The following DISP3 variants were observed in gnomAD, a reference collection of about 807,000 sequenced individuals.
DISP3 encodes the protein dispatched RND transporter family member 3.
DISP3 carries 101 observed loss-of-function variants against 135.3 expected under a neutral mutation model. The ratio of observed to expected loss-of-function variants is 0.75; its 90% confidence interval spans 0.64 to 0.88. The LOEUF (loss-of-function observed/expected upper bound fraction) is 0.88. Ranked by LOEUF, DISP3 falls within the 40% of genes least tolerant of loss-of-function variation. DISP3 has a pLI of 0.00. For missense variants in DISP3, 1,713 were observed against 1,878.6 expected, an observed-to-expected ratio of 0.91 and a Z score of 1.63; for synonymous variants, 856 against 817.0, an observed-to-expected ratio of 1.05 and a Z score of -0.81.
At chr1:11,522,858 GGACCC>G in intron 10 of DISP3, among the ~76,000 whole-genome samples, 1 of 51,812 alleles carries the variant, frequency 1.9e-5, no homozygotes, top group African/African-American at 1.0e-4. Flanking sequence ...AGCCCAGCCA[GGACCC>G]AGCCAGAGCC....
At chr1:11,492,358 T>C (rs1432046653) in intron 1 of DISP3, among the ~76,000 whole-genome samples, 2 of 152,164 alleles carry the variant, frequency 1.3e-5, no homozygotes, top group Non-Finnish European at 2.9e-5. Flanking sequence ...TCAGGTGATA[T>C]ATTGACCCAG....
chr1:11,534,555 C>T lies in DISP3; in HGVS notation c.3535+15C>T, dbSNP rs751298870. On this transcript the variant is annotated intron_variant, in intron 18 of 20. Transcript: ENST00000294484. ...GGAAATCGTAGGCAAGCGGCAGCCTCGCCCCTCCATCCTGGGTGGGCAGGA... is the reference window on the plus strand; with the variant it reads ...GGAAATCGTAGGCAAGCGGCAGCCTTGCCCCTCCATCCTGGGTGGGCAGGA... 3.5e-5 allele frequency: 56 copies of T among 1,592,466 alleles called. No individual in the cohort carries two copies. The highest frequency in any genetic ancestry group is 4.5e-5 in the Non-Finnish European group (53 of 1,168,408).
chr1:11,514,277 A>C (rs1358879378), intron 3 of DISP3, 113 bp from the exon 4 acceptor site: 2 of 1,271,814 alleles, frequency 1.6e-6, no homozygotes, highest in East Asian at 4.7e-5. Flanking sequence ...CAACCAAGGT[A>C]GAGTCACAGG....
intron 12 of DISP3, among the ~76,000 whole-genome samples, chr1:11,525,929 C>T (rs1474478632): frequency 6.6e-6 from 1 of 152,200 alleles, no homozygotes; most frequent in Admixed American, 6.5e-5. Flanking sequence ...CTCTCATCAG[C>T]CTCCTGAGTA....
In DISP3 at chr1:11,536,319, C is replaced by T. The variant is rs1313742315; in HGVS notation, c.3817-5C>T. The T allele has an allele frequency of 6.3e-7, 1 of 1,594,918 alleles. No homozygotes were observed. Among genetic ancestry groups the T allele is most frequent in the Non-Finnish European group, 8.5e-7 (1 of 1,176,708 alleles). On this transcript the variant is annotated splice_polypyrimidine_tract_variant and splice_region_variant and intron_variant, in intron 20 of 20. Transcript: ENST00000294484. This position sits in a 1 kb window ranked among gnomAD's most constrained non-coding sequence, Gnocchi z 4.3. Reference sequence around the variant, plus strand: ...CTGGGCTCCCAGCTCTCCTCTTGCCCCCAGGACGCCCGAACGCAGCGCCAG... The same window carrying T: ...CTGGGCTCCCAGCTCTCCTCTTGCCTCCAGGACGCCCGAACGCAGCGCCAG...
At chr1:11,522,638 G>T (rs1642245704) in intron 10 of DISP3, among the ~76,000 whole-genome samples, 1 of 129,182 alleles carries the variant, frequency 7.7e-6, no homozygotes, top group Non-Finnish European at 1.7e-5. Context: ...AGCCCAGCCA[G>T]AGCCCAGCCA....
intron 15 of DISP3, 73 bp from the exon 16 acceptor site, chr1:11,530,834 T>A: frequency 6.3e-7 from 1 of 1,580,694 alleles, no homozygotes; most frequent in Non-Finnish European, 8.6e-7. Context: ...GCCCCAGGGT[T>A]GGGGGTGAGC....
rs187296971 is a variant in DISP3, at chr1:11,520,130, G to A, written c.2200+250G>A. Among the ~76,000 whole-genome samples the A allele has an allele frequency of 1.3e-5, 2 of 152,110 alleles. No homozygotes were observed. Among genetic ancestry groups the A allele is most frequent in the Non-Finnish European group, 2.9e-5 (2 of 68,044 alleles). ...CAGAGCATGCCACACATGGGCCCTG[G>A]AGTTAGACCCACTTGAGTCTGAGTC... is the stretch of plus-strand genomic sequence containing the variant. On this transcript the variant is annotated intron_variant, in intron 9 of 20. Transcript: ENST00000294484. The surrounding 1 kb of genome is among the most constrained non-coding windows in gnomAD (Gnocchi z 4.8).
chr1:11,510,001 A>C (rs1444866934), intron 3 of DISP3, among the ~76,000 whole-genome samples: 1 of 152,138 alleles, frequency 6.6e-6, no homozygotes, highest in Non-Finnish European at 1.5e-5. Context: ...GGGGAGGCTG[A>C]GGGAGGAGAA....
chr1:11,518,571 T>C (rs1642079296), intron 7 of DISP3, among the ~76,000 whole-genome samples: 1 of 152,186 alleles, frequency 6.6e-6, no homozygotes, highest in Non-Finnish European at 1.5e-5. Context: ...GCCCCACGTC[T>C]GCCCCCCGGC....
In DISP3 at chr1:11,519,920, C is replaced by T. The variant is rs1268733373; in HGVS notation, c.2200+40C>T. On this transcript the variant is annotated intron_variant, in intron 9 of 20. Transcript: ENST00000294484. This position sits in a 1 kb window ranked among gnomAD's most constrained non-coding sequence, Gnocchi z 4.3. ...CGGCCCTGCCCCCTGTCTCACAGCT[C>T]CACCCCCAAAACACACAGGAACTGG... 14 of 1,568,276 alleles carry T rather than the reference C, an allele frequency of 8.9e-6. No homozygotes were observed. Among genetic ancestry groups the T allele is most frequent in the Non-Finnish European group, 1.2e-5 (14 of 1,155,514 alleles).
chr1:11,507,977 G>A (rs1641752379), intron 3 of DISP3, among the ~76,000 whole-genome samples: 1 of 152,204 alleles, frequency 6.6e-6, no homozygotes, highest in African/African-American at 2.4e-5. Flanking sequence ...AGATAATCCA[G>A]AGATCCTTTC....
At chr1:11,495,220 TC>T (rs1641298635) in intron 1 of DISP3, among the ~76,000 whole-genome samples, 1 of 152,062 alleles carries the variant, frequency 6.6e-6, no homozygotes, top group Admixed American at 6.5e-5. Flanking sequence ...TGAAACCCTA[TC>T]TCTACTAAAA....
At chr1:11,524,232 C>T (rs979505184) in intron 11 of DISP3, among the ~76,000 whole-genome samples, 177 bp downstream of exon 11, 8 of 151,982 alleles carry the variant, frequency 5.3e-5, no homozygotes, top group Non-Finnish European at 4.4e-5. Flanking sequence ...CCTCCCATCC[C>T]GCCAGGACAG....
At position 11,519,763 on chromosome 1, in the gene DISP3, G is replaced by A. The variant is rs752008451; in HGVS notation, c.2083G>A (p.Glu695Lys). The A allele has an allele frequency of 1.1e-5, 18 of 1,613,102 alleles. No homozygotes were observed. The highest frequency in any genetic ancestry group is 4.0e-5 in the African/African-American group (3 of 75,052). The change falls in exon 9 of 21, where the codon GAG becomes AAG. Residue 695 changes from glutamate (E) to lysine (K), a missense_variant. Glu to Lys is a moderately conservative substitution (Grantham distance 56). Coordinates refer to ENST00000294484, the MANE Select transcript of DISP3 (RefSeq NM_020780.2). The surrounding 1 kb of genome is among the most constrained non-coding windows in gnomAD (Gnocchi z 4.3). Reference sequence around the variant, plus strand: ...CGTGTCCCTGGTGTCTGTGTCCCCCGAGGGTCTGCAGCCAGCCTCCAACAC... The same window carrying A: ...CGTGTCCCTGGTGTCTGTGTCCCCCAAGGGTCTGCAGCCAGCCTCCAACAC... Reference protein sequence around the residue: ...GDVSLVSVSPEGLQPASNTGS... With the variant: ...GDVSLVSVSPKGLQPASNTGS...
rs1159159612 is a variant in DISP3, at chr1:11,520,670, G to A, written c.2201-17G>A. On this transcript the variant is annotated splice_polypyrimidine_tract_variant and intron_variant, in intron 9 of 20. Coordinates refer to ENST00000294484, the MANE Select transcript of DISP3 (RefSeq NM_020780.2). This position sits in a 1 kb window ranked among gnomAD's most constrained non-coding sequence, Gnocchi z 4.8. Reference sequence around the variant, plus strand: ...GCTGGGCCCAGCCCCGCCTGGTGTAGCGCCCTTTCCTCACAGGGCTGTTCG... The same window carrying A: ...GCTGGGCCCAGCCCCGCCTGGTGTAACGCCCTTTCCTCACAGGGCTGTTCG... 3.7e-6 allele frequency: 6 copies of A among 1,610,996 alleles called. No homozygotes were observed. The highest frequency in any genetic ancestry group is 5.1e-6 in the Non-Finnish European group (6 of 1,178,368).
At chr1:11,487,302 G>T (rs192690838) in intron 1 of DISP3, among the ~76,000 whole-genome samples, 23 of 152,302 alleles carry the variant, frequency 1.5e-4, no homozygotes, top group Admixed American at 1.4e-3. Context: ...CTGGATTGGA[G>T]AGAGTCATGG....
At chr1:11,518,220 T>G (rs1642067496) in intron 7 of DISP3, among the ~76,000 whole-genome samples, 1 of 152,154 alleles carries the variant, frequency 6.6e-6, no homozygotes. Flanking sequence ...CAGGGCCCAC[T>G]CATTGTGATA....
intron 10 of DISP3, among the ~76,000 whole-genome samples, chr1:11,523,479 C>T (rs554991278): frequency 2.4e-4 from 29 of 120,804 alleles, no homozygotes; most frequent in Middle Eastern, 0.012. Context: ...AGAGGGCAAG[C>T]GGGGGCAGAG....
Sources: allele counts gnomAD v4.1 joint callset (sites outside exome capture counted in the v4.1 genomes callset), GRCh38; gene constraint gnomAD v4.1.1; non-coding constraint Gnocchi (gnomAD v3.1); transcripts MANE v1.5; gene names NCBI Gene and HGNC (gene_info 2026-07-23, HGNC 2026-07-21).